CREG2: variants seen among roughly 807,000 people sequenced by gnomAD.
CREG2 encodes cellular repressor of E1A stimulated genes 2, also known as protein CREG2.
A neutral mutation model predicts 26.2 loss-of-function variants in CREG2; 24 were observed. The ratio of observed to expected loss-of-function variants is 0.92; its 90% confidence interval spans 0.66 to 1.29. The LOEUF is 1.29. Among genes scored for constraint, CREG2 ranks in the 50% most tolerant of loss-of-function variants. CREG2 has a pLI of 0.00. For synonymous variants in CREG2, 174 were observed against 169.2 expected (o/e 1.03, Z -0.22); for missense variants, 366 against 398.6 (o/e 0.92, Z 0.70).
chr2:101,378,840 T>A (rs929630184), intron 2 of CREG2, among the ~76,000 whole-genome samples: 4 of 151,978 alleles, frequency 2.6e-5, no homozygotes, highest in African/African-American at 9.7e-5. Flanking sequence ...AACCCATCTC[T>A]ACTAAAAATA....
Position 101,350,821 on chromosome 2 carries a change from A to G in CREG2, c.*102T>C. The G allele has an allele frequency of 3.3e-6, 4 of 1,212,176 alleles. No individual in the cohort carries two copies. Among genetic ancestry groups the G allele is most frequent in the Non-Finnish European group, 4.8e-6 (4 of 836,704 alleles). 75.1% of individuals were successfully genotyped at this position (1,212,176 alleles called of 1,614,324 possible). Reference sequence around the variant, plus strand: ...CTGCTGCAGGGATGGCAGGGCTGCTATGAACCCTTCAACAAAGAGACAGTG... The same window carrying G: ...CTGCTGCAGGGATGGCAGGGCTGCTGTGAACCCTTCAACAAAGAGACAGTG... On this transcript the variant is annotated 3_prime_UTR_variant, in exon 4 of 4. Coordinates refer to ENST00000324768, the MANE Select transcript of CREG2 (RefSeq NM_153836.4).
At chr2:101,360,324 G>T (rs1445792070) in intron 2 of CREG2, among the ~76,000 whole-genome samples, 1 of 152,154 alleles carries the variant, frequency 6.6e-6, no homozygotes, top group Non-Finnish European at 1.5e-5. Context: ...TCTGTGGCTT[G>T]CGTGTTCCTG....
intron 1 of CREG2, among the ~76,000 whole-genome samples, chr2:101,386,171 A>C (rs1684964080): frequency 6.6e-6 from 1 of 152,274 alleles, no homozygotes; most frequent in Non-Finnish European, 1.5e-5. Flanking sequence ...CGAGGAAAGC[A>C]AAGTGGAGAA....
chr2:101,354,988 G>A (rs1156999397), intron 3 of CREG2, among the ~76,000 whole-genome samples: 3 of 151,980 alleles, frequency 2.0e-5, no homozygotes, highest in Admixed American at 6.6e-5. Context: ...CTATTTTCAC[G>A]GCAAGGCAGG....
intron 2 of CREG2, among the ~76,000 whole-genome samples, chr2:101,366,369 T>C (rs1315715158): frequency 6.6e-6 from 1 of 152,210 alleles, no homozygotes; most frequent in Non-Finnish European, 1.5e-5. Context: ...AATGTTCCCA[T>C]CCATGACTTC....
rs1461185515 is a variant in CREG2 at position 101,347,790 on chromosome 2, A to G, written c.*3133T>C. The G allele has an allele frequency of 6.6e-6, 1 of 152,156 alleles. No individual in the cohort carries two copies. The highest frequency in any genetic ancestry group is 2.4e-5 in the African/African-American group (1 of 41,422). The allele number at this position is 152,156 out of a possible 1,614,324, so 9.4% of individuals were successfully genotyped here. ...TGGCCTGTCTTCTCGGCCTTTTAAC[A>G]TGGTCTTTTGCAGAACAAATGTTTT... is the stretch of plus-strand genomic sequence containing the variant. On this transcript the variant is annotated 3_prime_UTR_variant, in exon 4 of 4. Transcript: ENST00000324768.
intron 2 of CREG2, among the ~76,000 whole-genome samples, chr2:101,373,159 A>C (rs577100774): frequency 3.3e-4 from 51 of 152,376 alleles, no homozygotes; most frequent in Admixed American, 1.3e-3. Flanking sequence ...TTGTCCATGA[A>C]TGCTCATAGC....
chr2:101,384,716 CT>C (rs1389938257), intron 1 of CREG2, among the ~76,000 whole-genome samples: 1 of 152,122 alleles, frequency 6.6e-6, no homozygotes, highest in Non-Finnish European at 1.5e-5. Context: ...AAAAAATTAG[CT>C]TGGCATGGTG....
intron 3 of CREG2, 70 bp from the exon 4 acceptor site, chr2:101,351,140 G>C: frequency 1.3e-6 from 2 of 1,499,440 alleles, no homozygotes; most frequent in Non-Finnish European, 9.0e-7. Flanking sequence ...CCAAGTCATA[G>C]GACCTCCAGA....
rs1415019384 is a variant in CREG2 at position 101,347,994 on chromosome 2, G to A, written c.*2929C>T. 6.6e-6 allele frequency: 1 copy of A among 152,154 alleles called. No individual in the cohort carries two copies. Among genetic ancestry groups the A allele is most frequent in the Non-Finnish European group, 1.5e-5 (1 of 68,020 alleles). 9.4% of individuals were successfully genotyped at this position (152,154 alleles called of 1,614,324 possible). A position where few individuals can be genotyped will look rare whatever the true frequency, so the allele number is the denominator to read the frequency against. On this transcript the variant is annotated 3_prime_UTR_variant, in exon 4 of 4. Coordinates refer to ENST00000324768, the MANE Select transcript of CREG2 (RefSeq NM_153836.4). ...AGTTAATTTTTGCATAAGGTATGAA[G>A]TTTAGTCCAAGGTTCATTTTATTTT...
At chr2:101,354,532 A>G (rs1158709420) in intron 3 of CREG2, among the ~76,000 whole-genome samples, 1 of 151,966 alleles carries the variant, frequency 6.6e-6, no homozygotes, top group Non-Finnish European at 1.5e-5. Flanking sequence ...TCTACTGCAG[A>G]CCAATGCCTT....
chr2:101,377,538 T>C (rs556579026), intron 2 of CREG2, among the ~76,000 whole-genome samples: 23 of 152,166 alleles, frequency 1.5e-4, no homozygotes, highest in Admixed American at 6.5e-4. Flanking sequence ...ATTGATTGAA[T>C]TTTCACAAAG....
rs190235889 is a variant in CREG2, at chr2:101,349,140, T to A, written c.*1783A>T. 13 of 152,774 alleles carry A rather than the reference T, an allele frequency of 8.5e-5. No homozygotes were observed. Among genetic ancestry groups the A allele is most frequent in the Admixed American group, 2.0e-4 (3 of 15,304 alleles). The allele number at this position is 152,774 out of a possible 1,614,324, so 9.5% of individuals were successfully genotyped here. Reference sequence around the variant, plus strand: ...CAGAGAAGCTCCCAGTATTAAGGTGTGAGGTTGACTTATGCAATACATTTG... The same window carrying A: ...CAGAGAAGCTCCCAGTATTAAGGTGAGAGGTTGACTTATGCAATACATTTG... On this transcript the variant is annotated 3_prime_UTR_variant, in exon 4 of 4. Coordinates refer to ENST00000324768, the MANE Select transcript of CREG2 (RefSeq NM_153836.4).
chr2:101,350,984 T>C lies in CREG2; in HGVS notation c.812A>G (p.Tyr271Cys). 6.2e-7 allele frequency: 1 copy of C among 1,614,200 alleles called. No individual in the cohort carries two copies. Among genetic ancestry groups the C allele is most frequent in the Non-Finnish European group, 8.5e-7 (1 of 1,180,016 alleles). The change falls in exon 4 of 4, where the codon TAT (tyrosine) becomes TGT (cysteine). Residue 271 changes from tyrosine to cysteine, a missense_variant. Transcript: ENST00000324768. Reference protein sequence around the residue: ...RIEHIWLQKWYGGASSISREE... With the variant: ...RIEHIWLQKWCGGASSISREE... ...CCTTGAAATACTGGATGCGCCTCCA[T>C]ACCATTTCTGAAGCCAGATATGTTC...
chr2:101,386,647 G>C (rs192088987), intron 1 of CREG2, among the ~76,000 whole-genome samples: 1 of 152,088 alleles, frequency 6.6e-6, no homozygotes, highest in Non-Finnish European at 1.5e-5. Context: ...CCTGCGCTGG[G>C]AAGGGCTGTC....
At chr2:101,362,312 A>G (rs1684554774) in intron 2 of CREG2, among the ~76,000 whole-genome samples, 2 of 152,172 alleles carry the variant, frequency 1.3e-5, no homozygotes, top group South Asian at 2.1e-4. Context: ...GGGAGAGAGA[A>G]AAAAAATCTC....
intron 2 of CREG2, among the ~76,000 whole-genome samples, chr2:101,381,715 A>T (rs762232062): frequency 3.3e-5 from 5 of 152,232 alleles, no homozygotes; most frequent in Admixed American, 6.5e-5. Context: ...AGGCCAGAGT[A>T]ACAGGTATGC....
chr2:101,378,488 C>G (rs1292619684), intron 2 of CREG2, among the ~76,000 whole-genome samples: 1 of 152,168 alleles, frequency 6.6e-6, no homozygotes, highest in Non-Finnish European at 1.5e-5. Context: ...CTCTTCTACT[C>G]TAAATTTGCA....
chr2:101,362,516 A>G (rs1316227141), intron 2 of CREG2, among the ~76,000 whole-genome samples: 1 of 152,178 alleles, frequency 6.6e-6, no homozygotes, highest in Non-Finnish European at 1.5e-5. Flanking sequence ...GATGTGGTGG[A>G]GGCGTGCCCA....
Sources: gnomAD v4.1 joint callset for allele counts (sites outside exome capture counted in the v4.1 genomes callset) on GRCh38, gnomAD v4.1.1 for gene constraint, MANE v1.5 for transcripts, NCBI Gene and HGNC (gene_info 2026-07-23, HGNC 2026-07-21) for gene names.